The following USP25 variants were observed in gnomAD, a reference collection of about 807,000 sequenced individuals.
USP25 encodes ubiquitin carboxyl-terminal hydrolase 25.
USP25 carries 85 observed loss-of-function variants against 158.5 expected under a neutral mutation model. The ratio of observed to expected loss-of-function variants is 0.54; its 90% CI spans 0.45 to 0.64. The LOEUF (loss-of-function observed/expected upper bound fraction) is 0.64. Among genes scored for constraint, USP25 ranks in the 30% least tolerant of loss-of-function variants. The pLI is 0.00. For synonymous variants in USP25, 464 were observed against 460.4 expected (o/e 1.01, Z -0.10); for missense variants, 1,242 against 1,327.3 (o/e 0.94, Z 1.00).
At chr21:15,759,434 A>G (rs2033595242) in intron 1 of USP25, among the ~76,000 whole-genome samples, 1 of 152,174 alleles carries the variant, frequency 6.6e-6, no homozygotes, top group Non-Finnish European at 1.5e-5. Flanking sequence ...GCTTTTATAC[A>G]TTTTAAGGAT....
chr21:15,877,548 A>G (rs377048991), intron 24 of USP25: 10 of 301,272 alleles, frequency 3.3e-5, no homozygotes, highest in African/African-American at 1.7e-4. Context: ...TAAGCCAAAC[A>G]TGACTGAAAA....
At chr21:15,801,510 T>G (rs1250565629) in intron 6 of USP25, among the ~76,000 whole-genome samples, 1 of 151,538 alleles carries the variant, frequency 6.6e-6, no homozygotes, top group African/African-American at 2.4e-5. Flanking sequence ...TGACTCTAAT[T>G]TAGTATAGTG....
intron 8 of USP25, among the ~76,000 whole-genome samples, chr21:15,809,534 C>T (rs1027025556): frequency 2.0e-5 from 3 of 152,074 alleles, no homozygotes; most frequent in Admixed American, 2.0e-4. Flanking sequence ...AATTGAAACC[C>T]TTGTGCAGTG....
At chr21:15,780,282 C>G (rs1242266014) in intron 4 of USP25, among the ~76,000 whole-genome samples, 1 of 152,106 alleles carries the variant, frequency 6.6e-6, no homozygotes, top group Admixed American at 6.5e-5. Context: ...TCTTAGAATC[C>G]TGTGTTTAGG....
At chr21:15,773,129 C>G (rs945310396) in intron 3 of USP25, 1 of 152,214 alleles carries the variant, frequency 6.6e-6, no homozygotes, top group African/African-American at 2.4e-5. Flanking sequence ...ACTACTATTC[C>G]TCTATACCAG....
chr21:15,870,732 T>C (rs2039851433), intron 23 of USP25, among the ~76,000 whole-genome samples: 1 of 152,218 alleles, frequency 6.6e-6, no homozygotes, highest in Non-Finnish European at 1.5e-5. Context: ...CTAGTGATTG[T>C]TTTTTGAGAA....
chr21:15,757,536 C>T (rs1460353854), intron 1 of USP25, among the ~76,000 whole-genome samples: 1 of 152,202 alleles, frequency 6.6e-6, no homozygotes, highest in African/African-American at 2.4e-5. Flanking sequence ...TATCAAACCA[C>T]CATAACAAAC....
intron 1 of USP25, among the ~76,000 whole-genome samples, chr21:15,751,052 T>C (rs1383919580): frequency 6.6e-6 from 1 of 152,198 alleles, no homozygotes; most frequent in Non-Finnish European, 1.5e-5. Context: ...AGATTTGGTG[T>C]AAAGAAGTAT....
At chr21:15,745,696 G>T (rs1473474537) in intron 1 of USP25, among the ~76,000 whole-genome samples, 2 of 151,932 alleles carry the variant, frequency 1.3e-5, no homozygotes, top group East Asian at 3.9e-4. Context: ...GCCTGGTCTC[G>T]AACTCGCGAC....
chr21:15,782,191 C>T (rs920844224), intron 4 of USP25, among the ~76,000 whole-genome samples: 2 of 152,188 alleles, frequency 1.3e-5, no homozygotes, highest in African/African-American at 4.8e-5. Flanking sequence ...GTACATCTGT[C>T]CCTGGCTCTA....
At chr21:15,762,311 T>TA (rs1227717564) in intron 1 of USP25, among the ~76,000 whole-genome samples, 1 of 152,082 alleles carries the variant, frequency 6.6e-6, no homozygotes, top group East Asian at 1.9e-4. Flanking sequence ...AGTGAAATCC[T>TA]ATCTCTCTAC....
intron 1 of USP25, among the ~76,000 whole-genome samples, chr21:15,742,689 C>T (rs959316624): frequency 6.6e-6 from 1 of 152,114 alleles, no homozygotes; most frequent in African/African-American, 2.4e-5. Flanking sequence ...GTTTAAAATC[C>T]TCAATTTTTG....
At chr21:15,797,327 T>C (rs1158649829) in intron 5 of USP25, among the ~76,000 whole-genome samples, 2 of 151,112 alleles carry the variant, frequency 1.3e-5, no homozygotes, top group Non-Finnish European at 3.0e-5. Context: ...CCAAAGTACA[T>C]CATAATAAAA....
At chr21:15,846,183 G>GAC (rs1215600347) in intron 18 of USP25, among the ~76,000 whole-genome samples, 3 of 41,744 alleles carry the variant, frequency 7.2e-5, no homozygotes, top group African/African-American at 2.9e-4. Flanking sequence ...TTTTTTTTGA[G>GAC]ACAGAGTCTT....
chr21:15,818,614 G>A lies in USP25; in HGVS notation c.932-84G>A. On this transcript the variant is annotated intron_variant, in intron 9 of 25. Transcript: ENST00000400183. ...AATCAGTCAGTGTTACAATTTTCAG[G>A]TTCAGGTGAGAATCCTTACGTACTC... The A allele has an allele frequency of 1.3e-5, 16 of 1,211,646 alleles. No individual in the cohort carries two copies. The South Asian group carries it at 2.4e-4, about 18-fold the overall frequency. The allele number at this position is 1,211,646 out of a possible 1,614,324, so 75.1% of individuals were successfully genotyped here.
At chr21:15,848,040 C>A (rs1477937782) in intron 19 of USP25, among the ~76,000 whole-genome samples, 3 of 152,154 alleles carry the variant, frequency 2.0e-5, no homozygotes, top group Non-Finnish European at 2.9e-5. Context: ...TACCAGTTTA[C>A]TTCCAGGTTG....
At chr21:15,849,592 A>T (rs529322508) in intron 19 of USP25, among the ~76,000 whole-genome samples, 185 bp from the exon 20 acceptor site, 107 of 152,322 alleles carry the variant, frequency 7.0e-4, no homozygotes, top group Non-Finnish European at 1.2e-3. Context: ...AAGGCTCCGT[A>T]TGAGCCAGCT....
intron 4 of USP25, among the ~76,000 whole-genome samples, chr21:15,782,949 A>G (rs2035049049): frequency 6.6e-6 from 1 of 152,238 alleles, no homozygotes. Flanking sequence ...ATAATTCAAA[A>G]TAATGACATT....
At chr21:15,754,944 A>G (rs978890945) in intron 1 of USP25, among the ~76,000 whole-genome samples, 1 of 152,238 alleles carries the variant, frequency 6.6e-6, no homozygotes, top group African/African-American at 2.4e-5. Context: ...GAGGTTTCTT[A>G]TGGTAAGAGA....
Sources: allele counts gnomAD v4.1 joint callset (sites outside exome capture counted in the v4.1 genomes callset), GRCh38; gene constraint gnomAD v4.1.1; transcripts MANE v1.5; gene names NCBI Gene and HGNC (gene_info 2026-07-23, HGNC 2026-07-21).